Variants in PEDS1 observed in about 807,000 individuals in gnomAD.
The protein encoded by PEDS1 is plasmanylethanolamine desaturase 1.
Under a neutral mutation model 35.2 loss-of-function variants are expected in PEDS1, and 14 were observed. That is an observed-to-expected ratio of 0.40 (90% CI 0.26 to 0.62). The LOEUF (loss-of-function observed/expected upper bound fraction) is 0.62. PEDS1 is among the 20% of genes least tolerant of loss of function. PEDS1 has a pLI of 0.44. For synonymous variants in PEDS1, 152 were observed against 152.0 expected, an observed-to-expected ratio of 1.00 and a Z score of 0.00; for missense variants, 260 against 367.8, an observed-to-expected ratio of 0.71 and a Z score of 2.40.
chr20:50,119,962 C>T lies in PEDS1; in HGVS notation c.*5096G>A, dbSNP rs1009450805. 1.3e-5 allele frequency: 2 copies of T among 152,228 alleles called. No homozygotes were observed. Among genetic ancestry groups the T allele is most frequent in the Non-Finnish European group, 2.9e-5 (2 of 68,104 alleles). The allele number at this position is 152,228 out of a possible 1,614,324, so 9.4% of individuals were successfully genotyped here. A position where few individuals can be genotyped will look rare whatever the true frequency, so the allele number is the denominator to read the frequency against. ...GTTAGGAAATATTGTTCCCCCTCCCCCAGCCATTTAAAAAATGCTCGTGGC... is the reference window on the plus strand; with the variant it reads ...GTTAGGAAATATTGTTCCCCCTCCCTCAGCCATTTAAAAAATGCTCGTGGC... On this transcript the variant is annotated 3_prime_UTR_variant, in exon 6 of 6. Coordinates refer to ENST00000371652, the MANE Select transcript of PEDS1 (RefSeq NM_199129.4).
chr20:50,141,227 C>CT (rs2147293203), intron 2 of PEDS1, among the ~76,000 whole-genome samples: 1 of 152,348 alleles, frequency 6.6e-6, no homozygotes, highest in East Asian at 1.9e-4. Context: ...ATCTCAGACT[C>CT]TGCTGCTGCC....
chr20:50,151,243 T>G (rs1280260077), intron 1 of PEDS1: 1 of 1,304,174 alleles, frequency 7.7e-7, no homozygotes, highest in African/African-American at 1.5e-5. Context: ...AGGGCCTTGA[T>G]TGCAGATTTG....
intron 5 of PEDS1, 82 bp from the exon 6 acceptor site, chr20:50,125,261 T>C (rs764210727): frequency 6.5e-7 from 1 of 1,547,584 alleles, no homozygotes; most frequent in Non-Finnish European, 8.8e-7. Context: ...TTCACTGGGC[T>C]GGAGGGGCCC....
intron 2 of PEDS1, among the ~76,000 whole-genome samples, chr20:50,137,063 AC>A (rs1312512286): frequency 3.9e-5 from 6 of 151,996 alleles, no homozygotes; most frequent in African/African-American, 1.4e-4. Flanking sequence ...GAGCAGAGTA[AC>A]TTTTGTTTGT....
intron 2 of PEDS1, among the ~76,000 whole-genome samples, chr20:50,132,624 G>A (rs903504854): frequency 8.5e-5 from 13 of 152,074 alleles, no homozygotes; most frequent in African/African-American, 1.4e-4. Context: ...CCAAGCACTC[G>A]GCACCTCTGA....
chr20:50,125,726 G>C (rs1467212906), intron 5 of PEDS1, among the ~76,000 whole-genome samples: 2 of 152,134 alleles, frequency 1.3e-5, no homozygotes, highest in African/African-American at 4.8e-5. Flanking sequence ...CCGAGTAGCT[G>C]AGACTACAGG....
chr20:50,140,681 C>G (rs1053522620), intron 2 of PEDS1, among the ~76,000 whole-genome samples: 1 of 152,182 alleles, frequency 6.6e-6, no homozygotes, highest in Non-Finnish European at 1.5e-5. Context: ...CTTGATTTTG[C>G]TTCCCAATGC....
Position 50,130,924 on chromosome 20 carries a change from A to G in PEDS1, c.265T>C (p.Phe89Leu), listed in dbSNP as rs201286709. The G allele has an allele frequency of 4.3e-6, 7 of 1,614,230 alleles. No homozygotes were observed. The highest frequency in any genetic ancestry group is 5.1e-6 in the Non-Finnish European group (6 of 1,180,052). Residue 89 changes from phenylalanine (F) to leucine (L), a missense_variant, in exon 3 of 6, where the codon TTC becomes CTC. This residue lies in a region of PEDS1 where 34 missense variants were observed against 81.9 expected (regional missense o/e 0.41). Transcript: ENST00000371652. ...CCCCAGTGTACCAGGCCAGACAAGA[A>G]GTCAGCAATGAGAGCCCCTGCAACT... The part of the protein sequence containing the change: ...GVVAGALIAD[F>L]LSGLVHWGAD...
chr20:50,143,449 G>T, intron 2 of PEDS1, 53 bp downstream of exon 2: 1 of 1,568,214 alleles, frequency 6.4e-7, no homozygotes, highest in East Asian at 2.3e-5. Context: ...TTACCCGGTG[G>T]GTCCCTGGCC....
chr20:50,153,530 C>A lies in PEDS1; in HGVS notation c.108G>T (p.Ala36=), dbSNP rs2081428294. 6.3e-6 allele frequency: 9 copies of A among 1,421,340 alleles called. No homozygotes were observed. Among genetic ancestry groups the A allele is most frequent in the South Asian group, 2.8e-5 (2 of 71,386 alleles). The allele number at this position is 1,421,340 out of a possible 1,614,324, so 88.0% of individuals were successfully genotyped here. A position where few individuals can be genotyped will look rare whatever the true frequency, so the allele number is the denominator to read the frequency against. Residue 36 remains alanine, a synonymous_variant, in exon 1 of 6, where the codon GCG becomes GCT. Coordinates refer to ENST00000371652, the MANE Select transcript of PEDS1 (RefSeq NM_199129.4). ...AQHAGARELA[A]LYSPGKRLQE... ...CAGAGGTCTTACCTGGCGAGTAGAG[C>A]GCAGCCAGCTCGCGGGCCCCGGCGT...
At position 50,137,776 on chromosome 20, in the gene PEDS1, CAGA is replaced by C. The variant is rs377323743; in HGVS notation, c.241+5723_241+5725del. Among the ~76,000 whole-genome samples, 88 of 152,310 alleles carry C rather than the reference CAGA, an allele frequency of 5.8e-4. 2 individuals are homozygous for C. The South Asian group carries it at 0.016, about 28-fold the overall frequency. ...GTCCCAGCTACTCGGGAGGCTGAGGCAGAAGAATCGCTTGAACCTGGGAGGCGG... is the reference window on the plus strand; with the variant it reads ...GTCCCAGCTACTCGGGAGGCTGAGGCAGAATCGCTTGAACCTGGGAGGCGG... On this transcript the variant is annotated intron_variant, in intron 2 of 5. Coordinates refer to ENST00000371652, the MANE Select transcript of PEDS1 (RefSeq NM_199129.4).
Position 50,128,209 on chromosome 20 carries a change from G to T in PEDS1, c.479-22C>A, listed in dbSNP as rs756447665. The T allele has an allele frequency of 3.7e-6, 6 of 1,612,936 alleles. No individual in the cohort carries two copies. The highest frequency in any genetic ancestry group is 5.1e-6 in the Non-Finnish European group (6 of 1,179,602). On this transcript the variant is annotated intron_variant, in intron 4 of 5. Coordinates refer to ENST00000371652, the MANE Select transcript of PEDS1 (RefSeq NM_199129.4). The surrounding 1 kb of genome is among the most constrained non-coding windows in gnomAD (Gnocchi z 5.2). The stretch of plus-strand genomic sequence containing the variant: ...GCTTCTGCAGGTTGGGGAGAGGGGG[G>T]GCCGGCACAGCTGTCACTCGGGACG...
chr20:50,132,962 G>A (rs925029449), intron 2 of PEDS1, among the ~76,000 whole-genome samples: 10 of 152,180 alleles, frequency 6.6e-5, no homozygotes, highest in African/African-American at 2.2e-4. Context: ...GTGATGACAC[G>A]TGTGGCCCCC....
intron 5 of PEDS1, among the ~76,000 whole-genome samples, chr20:50,126,091 C>A (rs1472983913): frequency 1.3e-5 from 2 of 152,108 alleles, no homozygotes; most frequent in African/African-American, 4.8e-5. Context: ...CTCTATTTTC[C>A]TGTTCTGTGT....
intron 5 of PEDS1, among the ~76,000 whole-genome samples, chr20:50,126,200 G>A (rs556088341): frequency 1.9e-4 from 29 of 152,274 alleles, no homozygotes; most frequent in African/African-American, 6.5e-4. Context: ...ACAGCCAGGC[G>A]CAGAGTAGGT....
intron 5 of PEDS1, among the ~76,000 whole-genome samples, chr20:50,126,116 A>G (rs2081100763): frequency 6.6e-6 from 1 of 152,116 alleles, no homozygotes. Context: ...TCACCCCCCA[A>G]TCCCCAACTG....
At chr20:50,126,805 G>A (rs1343082496) in intron 5 of PEDS1, among the ~76,000 whole-genome samples, 1 of 152,190 alleles carries the variant, frequency 6.6e-6, no homozygotes, top group Non-Finnish European at 1.5e-5. Context: ...CATGGCACGT[G>A]GGCCTCCTTT....
intron 1 of PEDS1, among the ~76,000 whole-genome samples, chr20:50,150,646 G>C (rs759564168): frequency 1.3e-5 from 2 of 152,134 alleles, no homozygotes; most frequent in Non-Finnish European, 2.9e-5. Context: ...ACAGTTATTT[G>C]TCAAGTTTAT....
intron 1 of PEDS1, among the ~76,000 whole-genome samples, chr20:50,148,341 T>C (rs2081367499): frequency 6.6e-6 from 1 of 152,040 alleles, no homozygotes; most frequent in Admixed American, 6.6e-5. Flanking sequence ...CTAAACTGTA[T>C]CACTTAACAG....
Sources: gnomAD v4.1 joint callset for allele counts (sites outside exome capture counted in the v4.1 genomes callset) on GRCh38, gnomAD v4.1.1 for gene constraint, gnomAD v4.1.1 regional missense constraint, Gnocchi (gnomAD v3.1) non-coding constraint, MANE v1.5 for transcripts, NCBI Gene and HGNC (gene_info 2026-07-23, HGNC 2026-07-21) for gene names.